The following PDSS2 variants were observed in gnomAD, a reference collection of about 807,000 sequenced individuals.
PDSS2 encodes the protein decaprenyl diphosphate synthase subunit 2.
Under a neutral mutation model 44.5 loss-of-function variants are expected in PDSS2, and 31 were observed. The observed-to-expected ratio is 0.70, with a 90% CI of 0.52 to 0.94. The LOEUF (loss-of-function observed/expected upper bound fraction) is 0.94. Among genes scored for constraint, PDSS2 ranks in the 40% least tolerant of loss-of-function variants. The pLI is 0.00. For missense variants in PDSS2, 452 were observed against 482.2 expected, an observed-to-expected ratio of 0.94 and a Z score of 0.59; for synonymous variants, 157 against 180.3, an observed-to-expected ratio of 0.87 and a Z score of 1.03.
At chr6:107,450,839 CTGAT>C (rs1337378483) in intron 1 of PDSS2, among the ~76,000 whole-genome samples, 3 of 152,096 alleles carry the variant, frequency 2.0e-5, no homozygotes, top group African/African-American at 4.8e-5. Flanking sequence ...GATCAATCAA[CTGAT>C]TGATTGAGAC....
At chr6:107,361,541 A>G (rs772277768) in intron 1 of PDSS2, among the ~76,000 whole-genome samples, 2 of 152,122 alleles carry the variant, frequency 1.3e-5, no homozygotes, top group African/African-American at 4.8e-5. Flanking sequence ...CTTGGGCAAA[A>G]AAATCATCCA....
chr6:107,239,198 A>G (rs376677931), intron 4 of PDSS2, among the ~76,000 whole-genome samples: 1 of 152,164 alleles, frequency 6.6e-6, no homozygotes. Context: ...AATCTCTTGA[A>G]TCCAGGAGGC....
At chr6:107,163,909 G>A (rs1041850493) in intron 7 of PDSS2, among the ~76,000 whole-genome samples, 1 of 152,064 alleles carries the variant, frequency 6.6e-6, no homozygotes, top group Non-Finnish European at 1.5e-5. Flanking sequence ...AGCTGATCTT[G>A]TTCTTTTTTA....
intron 7 of PDSS2, among the ~76,000 whole-genome samples, chr6:107,159,837 A>G (rs1771058930): frequency 6.6e-6 from 1 of 152,202 alleles, no homozygotes; most frequent in Non-Finnish European, 1.5e-5. Flanking sequence ...ATGACTAGAT[A>G]AGATGTTTAA....
At chr6:107,289,111 A>G (rs1367970751) in intron 2 of PDSS2, among the ~76,000 whole-genome samples, 2 of 149,748 alleles carry the variant, frequency 1.3e-5, no homozygotes, top group African/African-American at 4.9e-5. Context: ...GGTGGCTCAC[A>G]CCTGTAATAC....
chr6:107,430,793 G>A (rs1350549292), intron 1 of PDSS2, among the ~76,000 whole-genome samples: 1 of 151,476 alleles, frequency 6.6e-6, no homozygotes. Flanking sequence ...TGGGAGACAA[G>A]AGAGAAACTC....
intron 2 of PDSS2, among the ~76,000 whole-genome samples, chr6:107,291,525 GTT>G (rs71012791): frequency 3.8e-4 from 51 of 132,810 alleles, no homozygotes; most frequent in Non-Finnish European, 4.8e-4. Flanking sequence ...TTTTTAGTTA[GTT>G]TTTTTTTTTT....
At position 107,458,978 on chromosome 6, in the gene PDSS2, G is replaced by A. The variant is rs747836845; in HGVS notation, c.296+12C>T. 3 of 1,613,186 alleles carry A rather than the reference G, an allele frequency of 1.9e-6. No homozygotes were observed. Among genetic ancestry groups the A allele is most frequent in the East Asian group, 2.2e-5 (1 of 44,882 alleles). On this transcript the variant is annotated intron_variant, in intron 1 of 7. Coordinates refer to ENST00000369037, the MANE Select transcript of PDSS2 (RefSeq NM_020381.4). ...TGAGTGCGAGTGTGTCAGCGGGAGA[G>A]GGGTAGCTCACCTGGCTGTGGTAAG...
intron 2 of PDSS2, among the ~76,000 whole-genome samples, chr6:107,276,096 C>T (rs1775770430): frequency 9.2e-6 from 1 of 108,494 alleles, no homozygotes. Flanking sequence ...TAGCCTAGCA[C>T]AGAGTGAGAC....
At chr6:107,398,320 T>C (rs573646202) in intron 1 of PDSS2, among the ~76,000 whole-genome samples, 43 of 152,344 alleles carry the variant, frequency 2.8e-4, no homozygotes, top group African/African-American at 1.0e-3. Flanking sequence ...AAAACAATCC[T>C]ACTCCTTAGT....
At chr6:107,328,879 G>C (rs1264131232) in intron 2 of PDSS2, among the ~76,000 whole-genome samples, 1 of 152,172 alleles carries the variant, frequency 6.6e-6, no homozygotes, top group Non-Finnish European at 1.5e-5. Flanking sequence ...TACAACTTAA[G>C]CTCTGGAAGA....
chr6:107,210,132 C>A (rs1186249150), intron 6 of PDSS2, among the ~76,000 whole-genome samples: 3 of 152,044 alleles, frequency 2.0e-5, no homozygotes, highest in Non-Finnish European at 4.4e-5. Context: ...GGTGCTATTA[C>A]CATAGCCCAA....
intron 1 of PDSS2, among the ~76,000 whole-genome samples, chr6:107,419,035 TA>T (rs899088517): frequency 3.4e-4 from 49 of 145,574 alleles, no homozygotes; most frequent in African/African-American, 3.3e-4. Context: ...GTAGTTAGCT[TA>T]AAAAAAAAAA....
chr6:107,345,703 AAT>A (rs1431392143), intron 1 of PDSS2, among the ~76,000 whole-genome samples: 1 of 152,166 alleles, frequency 6.6e-6, no homozygotes, highest in Non-Finnish European at 1.5e-5. Flanking sequence ...TAGTAGGAAA[AAT>A]ATGTTTAAAA....
chr6:107,366,071 C>T (rs751866681), intron 1 of PDSS2, among the ~76,000 whole-genome samples: 29 of 152,076 alleles, frequency 1.9e-4, no homozygotes, highest in Non-Finnish European at 3.8e-4. Context: ...ATAGAATACT[C>T]CACACAATGA....
At chr6:107,225,145 A>ATATATATATATATATT (rs1562389090) in intron 4 of PDSS2, among the ~76,000 whole-genome samples, 4 of 49,306 alleles carry the variant, frequency 8.1e-5, no homozygotes, top group Admixed American at 2.1e-4. Context: ...TTTTATATAT[A>ATATATATATATATATT]TATATATATA....
intron 7 of PDSS2, among the ~76,000 whole-genome samples, chr6:107,166,364 T>G (rs1223500330): frequency 1.0e-4 from 5 of 48,554 alleles, no homozygotes; most frequent in East Asian, 9.6e-4. Context: ...ATTGAGAGTT[T>G]TTTTTTTTTT....
At chr6:107,247,440 T>C (rs990833772) in intron 3 of PDSS2, among the ~76,000 whole-genome samples, 4 of 152,328 alleles carry the variant, frequency 2.6e-5, no homozygotes, top group Non-Finnish European at 5.9e-5. Context: ...AACCTGTCCT[T>C]ACAAGTTCAT....
intron 7 of PDSS2, among the ~76,000 whole-genome samples, chr6:107,155,581 C>CTTTT (rs398066143): frequency 2.2e-5 from 3 of 136,678 alleles, no homozygotes; most frequent in Non-Finnish European, 3.2e-5. Flanking sequence ...CTGAATGTTA[C>CTTTT]TTTTTTTTTT....
Sources: gnomAD v4.1 joint callset for allele counts (sites outside exome capture counted in the v4.1 genomes callset) on GRCh38, gnomAD v4.1.1 for gene constraint, MANE v1.5 for transcripts, NCBI Gene and HGNC (gene_info 2026-07-23, HGNC 2026-07-21) for gene names.